EPHB1: variants seen among roughly 807,000 people sequenced by gnomAD.
The protein encoded by EPHB1 is EPH receptor B1.
Under a neutral mutation model 94.4 loss-of-function variants are expected in EPHB1, and 30 were observed. The ratio of observed to expected loss-of-function variants is 0.32; its 90% CI spans 0.24 to 0.43. The LOEUF (loss-of-function observed/expected upper bound fraction) is 0.43, where lower values mean the gene tolerates loss of function less well. EPHB1 is among the 20% of genes least tolerant of loss of function. The pLI, the probability that EPHB1 is intolerant of heterozygous loss-of-function variation, is 1.00. For missense variants in EPHB1, 1,055 were observed against 1,308.3 expected, an observed-to-expected ratio of 0.81 and a Z score of 2.99; for synonymous variants, 522 against 489.1, an observed-to-expected ratio of 1.07 and a Z score of -0.89.
At chr3:134,956,730 A>G (rs762584778) in intron 3 of EPHB1, among the ~76,000 whole-genome samples, 2 of 152,134 alleles carry the variant, frequency 1.3e-5, no homozygotes, top group East Asian at 1.9e-4. Flanking sequence ...GTGAAAATGG[A>G]TATGAGAATA....
intron 3 of EPHB1, among the ~76,000 whole-genome samples, chr3:135,097,182 T>G (rs1337994661): frequency 6.7e-6 from 1 of 148,614 alleles, no homozygotes; most frequent in African/African-American, 2.5e-5. Flanking sequence ...TTTTTTTTTT[T>G]TTTTTGAGGG....
intron 1 of EPHB1, among the ~76,000 whole-genome samples, chr3:134,810,917 G>C (rs2036160295): frequency 6.6e-6 from 1 of 152,174 alleles, no homozygotes; most frequent in South Asian, 2.1e-4. Flanking sequence ...GTCCTCCTGA[G>C]TATTTGCTGA....
chr3:134,987,888 G>A (rs780381986), intron 3 of EPHB1, among the ~76,000 whole-genome samples: 8 of 152,134 alleles, frequency 5.3e-5, no homozygotes, highest in Non-Finnish European at 1.0e-4. Flanking sequence ...GATCTTGGAC[G>A]CCCAGCCTCC....
At chr3:135,006,742 A>G (rs771764572) in intron 3 of EPHB1, among the ~76,000 whole-genome samples, 31 of 152,226 alleles carry the variant, frequency 2.0e-4, no homozygotes, top group Non-Finnish European at 4.1e-4. Flanking sequence ...ATCCAAATAT[A>G]TCTATACGGT....
intron 1 of EPHB1, among the ~76,000 whole-genome samples, chr3:134,806,337 A>G (rs1309695931): frequency 6.6e-6 from 1 of 152,142 alleles, no homozygotes; most frequent in Non-Finnish European, 1.5e-5. Flanking sequence ...CAGATACCAC[A>G]TTGTCAGGAG....
intron 3 of EPHB1, among the ~76,000 whole-genome samples, chr3:135,033,644 C>T (rs551873083): frequency 9.9e-5 from 15 of 152,258 alleles, no homozygotes; most frequent in South Asian, 2.1e-4. Context: ...GGATTTTGAT[C>T]GCCTCCGAGG....
Position 135,241,021 on chromosome 3 carries a change from CCTGT to C in EPHB1, c.2347-121_2347-118del, listed in dbSNP as rs574550530. The C allele has an allele frequency of 2.6e-5, 29 of 1,135,196 alleles. No homozygotes were observed. The African/African-American group carries it at 3.8e-4, about 15-fold the overall frequency. The allele number at this position is 1,135,196 out of a possible 1,614,324, so 70.3% of individuals were successfully genotyped here. ...TAGCTTGTGCACGAAGCAAGAATAG[CCTGT>C]CTGTCATAATTCACAAGATATGGGA... On this transcript the variant is annotated intron_variant, in intron 12 of 15. Transcript: ENST00000398015.
chr3:135,004,212 T>G (rs1935300498), intron 3 of EPHB1, among the ~76,000 whole-genome samples: 1 of 150,562 alleles, frequency 6.6e-6, no homozygotes, highest in Non-Finnish European at 1.5e-5. Flanking sequence ...TCTCCTTCAC[T>G]TATGAAGCTT....
intron 4 of EPHB1, among the ~76,000 whole-genome samples, chr3:135,127,325 C>A (rs878888966): frequency 6.6e-6 from 1 of 152,096 alleles, no homozygotes; most frequent in African/African-American, 2.4e-5. Flanking sequence ...TAGGGAGGGC[C>A]CCACCTCTGG....
chr3:135,246,683 A>AT (rs1943932378), intron 13 of EPHB1, among the ~76,000 whole-genome samples: 1 of 150,576 alleles, frequency 6.6e-6, no homozygotes, highest in South Asian at 2.1e-4. Flanking sequence ...AGAGGATAGC[A>AT]GGGGAATTTG....
intron 3 of EPHB1, among the ~76,000 whole-genome samples, chr3:134,987,061 A>G (rs36099): frequency 0.64 from 96,801 of 151,950 alleles, 32,822 homozygotes; most frequent in African/African-American, 0.85. Flanking sequence ...AGATACTTAC[A>G]CAGAGGGAAC....
intron 1 of EPHB1, among the ~76,000 whole-genome samples, chr3:134,801,760 G>C (rs1216747869): frequency 1.3e-5 from 2 of 152,164 alleles, no homozygotes; most frequent in Non-Finnish European, 2.9e-5. Flanking sequence ...TGGGGCCCTT[G>C]GGTCAGAGTG....
intron 3 of EPHB1, among the ~76,000 whole-genome samples, chr3:135,029,751 C>T (rs1272815161): frequency 6.6e-6 from 1 of 151,766 alleles, no homozygotes; most frequent in Non-Finnish European, 1.5e-5. Flanking sequence ...TCTGTATTTC[C>T]TGAATCTGAA....
At position 135,250,083 on chromosome 3, in the gene EPHB1, GT is replaced by G. The variant is rs574664763; in HGVS notation, c.2846+594del. On this transcript the variant is annotated intron_variant, in intron 15 of 15. Coordinates refer to ENST00000398015, the MANE Select transcript of EPHB1 (RefSeq NM_004441.5). ...CCCAAGAATGTTCTGAGAAGCACCA[GT>G]TGTGGGAAATGTTAATAGGTTCTCC... Among the ~76,000 whole-genome samples the G allele has an allele frequency of 6.6e-5, 10 of 152,308 alleles. No homozygotes were observed. The East Asian group carries it at 1.9e-3, about 29-fold the overall frequency.
At chr3:134,840,132 T>C (rs2036749453) in intron 1 of EPHB1, among the ~76,000 whole-genome samples, 1 of 152,256 alleles carries the variant, frequency 6.6e-6, no homozygotes, top group Non-Finnish European at 1.5e-5. Context: ...TGCATCCTTC[T>C]GTCTCCCCAG....
chr3:135,006,619 C>G (rs747932770), intron 3 of EPHB1, among the ~76,000 whole-genome samples: 1 of 152,150 alleles, frequency 6.6e-6, no homozygotes, highest in African/African-American at 2.4e-5. Context: ...TGCTTAACCC[C>G]AAAAGTTCAA....
At chr3:135,133,112 G>C (rs368929088) in intron 5 of EPHB1, 63 bp downstream of exon 5, 24 of 1,463,526 alleles carry the variant, frequency 1.6e-5, no homozygotes, top group Non-Finnish European at 2.1e-5. Context: ...CTCTAGGCAG[G>C]GACACAGCTG....
chr3:135,183,543 G>A (rs984820960), intron 10 of EPHB1, among the ~76,000 whole-genome samples: 1 of 152,216 alleles, frequency 6.6e-6, no homozygotes, highest in Admixed American at 6.5e-5. Context: ...GTCCTGCCAT[G>A]CAGGGGTTAT....
chr3:135,049,858 A>C lies in EPHB1; in HGVS notation c.806-56590A>C, dbSNP rs534750318. Among the ~76,000 whole-genome samples, 122 of 152,280 alleles carry C rather than the reference A, an allele frequency of 8.0e-4. 2 individuals carry two copies. In the Middle Eastern group the frequency reaches 0.017, roughly 21 times the overall value. ...GCACAGCTTGTGGACTAACTTCTGG[A>C]CCTGTGAAGTCTGTGCTCTGAGTGT... On this transcript the variant is annotated intron_variant, in intron 3 of 15. Transcript: ENST00000398015.
Sources: gnomAD v4.1 joint callset for allele counts (sites outside exome capture counted in the v4.1 genomes callset) on GRCh38, gnomAD v4.1.1 for gene constraint, MANE v1.5 for transcripts, NCBI Gene and HGNC (gene_info 2026-07-23, HGNC 2026-07-21) for gene names.